TIAM1: variants seen among roughly 807,000 people sequenced by gnomAD.
The protein encoded by TIAM1 is rho guanine nucleotide exchange factor TIAM1.
TIAM1 carries 65 observed loss-of-function variants against 163.5 expected under a neutral mutation model. The observed-to-expected ratio is 0.40, with a 90% CI of 0.33 to 0.49. TIAM1 has a LOEUF of 0.49. Among genes scored for constraint, TIAM1 ranks in the 20% least tolerant of loss-of-function variants. The pLI, the probability that TIAM1 is intolerant of heterozygous loss-of-function variation, is 0.77. For synonymous variants in TIAM1, 833 were observed against 810.1 expected (o/e 1.03, Z -0.48); for missense variants, 1,789 against 2,044.7 (o/e 0.87, Z 2.41).
intron 11 of TIAM1, among the ~76,000 whole-genome samples, chr21:31,207,621 A>C (rs1406814144): frequency 6.6e-6 from 1 of 152,230 alleles, no homozygotes; most frequent in Non-Finnish European, 1.5e-5. Flanking sequence ...TTTTCCAAGG[A>C]AGAAACAAGC....
intron 6 of TIAM1, among the ~76,000 whole-genome samples, chr21:31,241,571 C>T (rs1485852826): frequency 6.6e-6 from 1 of 152,172 alleles, no homozygotes; most frequent in East Asian, 1.9e-4. Flanking sequence ...CAAAGAAGCA[C>T]TATCACCACC....
chr21:31,209,082 G>A (rs1270320195), intron 11 of TIAM1, among the ~76,000 whole-genome samples: 3 of 151,960 alleles, frequency 2.0e-5, no homozygotes, highest in East Asian at 1.9e-4. Flanking sequence ...GTGGACACTC[G>A]GCACTGCAGG....
At chr21:31,452,726 T>C (rs1412821671) in intron 2 of TIAM1, 1 of 463,590 alleles carries the variant, frequency 2.2e-6, no homozygotes, top group African/African-American at 2.1e-5. Flanking sequence ...AAAGCTCTAA[T>C]AAATCTACTA....
intron 2 of TIAM1, among the ~76,000 whole-genome samples, chr21:31,297,931 A>G (rs997852701): frequency 1.3e-5 from 2 of 152,248 alleles, no homozygotes; most frequent in Non-Finnish European, 2.9e-5. Context: ...ATGACGATAC[A>G]TATATTATGG....
In TIAM1 at chr21:31,329,621, G is replaced by A. The variant is rs139693116; in HGVS notation, c.-189+9622C>T. Among the ~76,000 whole-genome samples, 5 of 152,332 alleles carry A rather than the reference G, an allele frequency of 3.3e-5. No homozygotes were observed. In the East Asian group the frequency reaches 9.6e-4, roughly 29 times the overall value. The stretch of plus-strand genomic sequence containing the variant: ...GTGTCCACAGCGCAGCACATGGCCA[G>A]AAGGAAGAAAACAGGAACATGAAGT... On this transcript the variant is annotated intron_variant, in intron 2 of 27. Transcript: ENST00000541036.
chr21:31,481,971 C>G (rs2046122027), intron 1 of TIAM1, among the ~76,000 whole-genome samples: 1 of 151,802 alleles, frequency 6.6e-6, no homozygotes, highest in African/African-American at 2.4e-5. Flanking sequence ...CCGAAGCTAT[C>G]AAGAGGTCCC....
intron 12 of TIAM1, among the ~76,000 whole-genome samples, chr21:31,202,436 C>T (rs1160053899): frequency 2.0e-5 from 3 of 151,872 alleles, no homozygotes; most frequent in African/African-American, 4.8e-5. Flanking sequence ...CATGGAGCTG[C>T]GTGCCTGTGG....
chr21:31,177,124 T>A (rs1172893872), intron 15 of TIAM1, among the ~76,000 whole-genome samples: 1 of 152,210 alleles, frequency 6.6e-6, no homozygotes, highest in African/African-American at 2.4e-5. Context: ...TGGCTTCAGG[T>A]ACAAAACATT....
rs547155678 is a variant in TIAM1, at chr21:31,239,380, T to C, written c.1584+6108A>G. Among the ~76,000 whole-genome samples the C allele has an allele frequency of 6.5e-4, 99 of 152,316 alleles. 3 individuals carry two copies. In the South Asian group the frequency reaches 0.011, roughly 16 times the overall value. The stretch of plus-strand genomic sequence containing the variant: ...TCCTGGGCTCAGTGATCTGCCTGCC[T>C]TGGCCCCCCAAAGTGCTGAGATTAC... On this transcript the variant is annotated intron_variant, in intron 6 of 27. Transcript: ENST00000541036.
In TIAM1 at chr21:31,444,262, C is replaced by T. The variant is rs376816328; in HGVS notation, c.-369+19721G>A. ...TTAGAATTCGCACTGGCTTTTCTGT[C>T]GTTCACGGCGTGGCGCTGAGTCAGC... On this transcript the variant is annotated intron_variant, in intron 2 of 28. Transcript: ENST00000286827. Among the ~76,000 whole-genome samples the T allele has an allele frequency of 3.0e-4, 46 of 152,168 alleles. No individual in the cohort carries two copies. In the East Asian group the frequency reaches 4.0e-3, roughly 13 times the overall value.
chr21:31,394,728 T>TCTCTCTCTCACACA (rs1279053911), intron 2 of TIAM1, among the ~76,000 whole-genome samples: 24 of 95,720 alleles, frequency 2.5e-4, no homozygotes, highest in African/African-American at 7.0e-4. Context: ...TCTCTCTCTC[T>TCTCTCTCTCACACA]CACACACACA....
chr21:31,507,179 A>ATTTTTTTTTTTT (rs572356384), intron 1 of TIAM1, among the ~76,000 whole-genome samples: 3 of 44,582 alleles, frequency 6.7e-5, no homozygotes, highest in African/African-American at 1.9e-4. Flanking sequence ...CACCTTTTTA[A>ATTTTTTTTTTTT]TTTTTTTTTT....
chr21:31,147,688 A>G (rs1170305900), intron 19 of TIAM1, among the ~76,000 whole-genome samples: 2 of 145,100 alleles, frequency 1.4e-5, no homozygotes, highest in Non-Finnish European at 3.0e-5. Flanking sequence ...ATATAAATAT[A>G]TATTCTATAA....
chr21:31,238,927 G>C (rs1371132256), intron 6 of TIAM1, among the ~76,000 whole-genome samples: 1 of 152,192 alleles, frequency 6.6e-6, no homozygotes, highest in Non-Finnish European at 1.5e-5. Context: ...GGATTAAAAT[G>C]TGGATACATA....
intron 26 of TIAM1, among the ~76,000 whole-genome samples, chr21:31,125,711 A>T (rs2082171030): frequency 2.0e-5 from 3 of 152,186 alleles, no homozygotes; most frequent in African/African-American, 7.2e-5. Context: ...ACTAGCTGGG[A>T]TTAAAGGCAC....
At chr21:31,478,437 A>T (rs527383359) in intron 1 of TIAM1, among the ~76,000 whole-genome samples, 1 of 152,328 alleles carries the variant, frequency 6.6e-6, no homozygotes, top group East Asian at 1.9e-4. Flanking sequence ...CACTCCCCAG[A>T]GGTAACTGCC....
At chr21:31,183,674 G>C (rs926678508) in intron 14 of TIAM1, among the ~76,000 whole-genome samples, 3 of 151,968 alleles carry the variant, frequency 2.0e-5, no homozygotes, top group African/African-American at 4.8e-5. Flanking sequence ...TCCTTATTCA[G>C]GTTTCTAAAA....
chr21:31,422,986 T>C (rs2043631640), intron 2 of TIAM1, among the ~76,000 whole-genome samples: 1 of 100,774 alleles, frequency 9.9e-6, no homozygotes, highest in Non-Finnish European at 2.0e-5. Context: ...TCTCTCTCTC[T>C]CTTTACTGTA....
At chr21:31,252,547 T>C (rs1483728018) in intron 4 of TIAM1, among the ~76,000 whole-genome samples, 1 of 152,208 alleles carries the variant, frequency 6.6e-6, no homozygotes, top group Non-Finnish European at 1.5e-5. Flanking sequence ...GAACCCAGCA[T>C]CCTCAGCCTC....
Sources: gnomAD v4.1 joint callset for allele counts (sites outside exome capture counted in the v4.1 genomes callset) on GRCh38, gnomAD v4.1.1 for gene constraint, MANE v1.5 for transcripts, NCBI Gene and HGNC (gene_info 2026-07-23, HGNC 2026-07-21) for gene names.